The following DPYD variants were observed in gnomAD, a reference collection of about 807,000 sequenced individuals.
DPYD encodes dihydropyrimidine dehydrogenase.
DPYD carries 109 observed loss-of-function variants against 116.2 expected under a neutral mutation model. The observed-to-expected ratio is 0.94, with a 90% CI of 0.80 to 1.10. DPYD has a LOEUF of 1.10. DPYD is among the 50% of genes least tolerant of loss of function. The pLI is 0.00. For synonymous variants in DPYD, 440 were observed against 432.0 expected (o/e 1.02, Z -0.23); for missense variants, 1,302 against 1,254.5 (o/e 1.04, Z -0.57).
At chr1:97,365,824 G>A (rs1671002821) in intron 16 of DPYD, among the ~76,000 whole-genome samples, 1 of 152,106 alleles carries the variant, frequency 6.6e-6, no homozygotes. Context: ...AGCAGACACG[G>A]GGTTTCGCCA....
At chr1:97,275,848 T>C (rs1664898824) in intron 18 of DPYD, among the ~76,000 whole-genome samples, 1 of 152,180 alleles carries the variant, frequency 6.6e-6, no homozygotes, top group South Asian at 2.1e-4. Flanking sequence ...GACATGTGCA[T>C]AGCTATCTCA....
intron 12 of DPYD, among the ~76,000 whole-genome samples, chr1:97,519,050 GCTT>G (rs1226405167): frequency 2.6e-5 from 4 of 151,846 alleles, no homozygotes; most frequent in Non-Finnish European, 5.9e-5. Context: ...TTAAATTTTT[GCTT>G]ATTATAATTT....
intron 20 of DPYD, among the ~76,000 whole-genome samples, chr1:97,174,248 T>A (rs1441685198): frequency 6.6e-6 from 1 of 152,152 alleles, no homozygotes; most frequent in Non-Finnish European, 1.5e-5. Flanking sequence ...CAGCTTTTGT[T>A]AACGGAGGCT....
At chr1:97,794,186 C>A (rs1029396926) in intron 3 of DPYD, among the ~76,000 whole-genome samples, 2 of 152,170 alleles carry the variant, frequency 1.3e-5, no homozygotes, top group Non-Finnish European at 2.9e-5. Flanking sequence ...AATCCATCAA[C>A]CTCAGCCTTC....
At chr1:97,140,089 T>C (rs1262234514) in intron 20 of DPYD, among the ~76,000 whole-genome samples, 2 of 151,990 alleles carry the variant, frequency 1.3e-5, no homozygotes, top group Non-Finnish European at 2.9e-5. Context: ...TATGGGACAC[T>C]TGCTGACTGT....
intron 15 of DPYD, among the ~76,000 whole-genome samples, chr1:97,376,395 AATT>A (rs1174958462): frequency 1.3e-5 from 2 of 152,156 alleles, no homozygotes; most frequent in Non-Finnish European, 2.9e-5. Flanking sequence ...TTCACTGACT[AATT>A]ATTATAATTT....
intron 4 of DPYD, among the ~76,000 whole-genome samples, chr1:97,723,490 T>C (rs1175735108): frequency 6.6e-6 from 1 of 151,334 alleles, no homozygotes; most frequent in African/African-American, 2.4e-5. Flanking sequence ...CAAAAGTTCT[T>C]TTCAATATAA....
chr1:97,693,806 C>A (rs77877540), intron 6 of DPYD, among the ~76,000 whole-genome samples: 1,860 of 152,162 alleles, frequency 0.012, 34 homozygotes, highest in African/African-American at 0.042. Flanking sequence ...ATGAGTCAGG[C>A]CTACTCTTGG....
chr1:97,135,455 C>T (rs1282250693), intron 20 of DPYD, among the ~76,000 whole-genome samples: 2 of 152,114 alleles, frequency 1.3e-5, no homozygotes, highest in Admixed American at 1.3e-4. Flanking sequence ...ACATGATGTC[C>T]TGTTTTAATA....
At chr1:97,208,429 C>T (rs889349564) in intron 19 of DPYD, among the ~76,000 whole-genome samples, 1 of 151,554 alleles carries the variant, frequency 6.6e-6, no homozygotes, top group Non-Finnish European at 1.5e-5. Flanking sequence ...GGACTACAGG[C>T]GCATGCCACC....
At chr1:97,546,081 G>C (rs758998060) in intron 12 of DPYD, 3 of 1,408,344 alleles carry the variant, frequency 2.1e-6, no homozygotes, top group African/African-American at 1.4e-5. Context: ...AGGATCCTTA[G>C]TTACAGTGCT....
intron 8 of DPYD, among the ~76,000 whole-genome samples, chr1:97,627,768 G>C (rs1657016186): frequency 1.3e-5 from 2 of 151,830 alleles, no homozygotes; most frequent in African/African-American, 4.8e-5. Context: ...ACCTAGAGGA[G>C]TTGAACATCA....
At chr1:97,329,702 G>A (rs987332880) in intron 16 of DPYD, among the ~76,000 whole-genome samples, 6 of 149,080 alleles carry the variant, frequency 4.0e-5, no homozygotes, top group Admixed American at 3.4e-4. Flanking sequence ...ACAGTGAGCC[G>A]AGACTGTGCC....
rs185516218 is a variant in DPYD at position 97,106,625 on chromosome 1, C to G, written c.2623-7993G>C. 3.2e-3 allele frequency among the ~76,000 whole-genome samples: 487 copies of G among 152,202 alleles called. 4 individuals carry two copies. The highest frequency in any genetic ancestry group is 0.011 in the African/African-American group (467 of 41,550). On this transcript the variant is annotated intron_variant, in intron 20 of 22. Transcript: ENST00000370192. The stretch of plus-strand genomic sequence containing the variant: ...ATCTCCTCCACCATCTGCTGCCCCC[C>G]TCATCTCCCAGTCCTGAGGCCTGCA...
At chr1:97,471,437 G>T (rs1485857676) in intron 13 of DPYD, among the ~76,000 whole-genome samples, 1 of 152,096 alleles carries the variant, frequency 6.6e-6, no homozygotes, top group African/African-American at 2.4e-5. Context: ...GTAACTTGGG[G>T]TCTAAAACTG....
At chr1:97,672,827 CCA>C (rs1659941494) in intron 8 of DPYD, among the ~76,000 whole-genome samples, 1 of 152,142 alleles carries the variant, frequency 6.6e-6, no homozygotes, top group South Asian at 2.1e-4. Context: ...AAATTTAATA[CCA>C]CAATCTCTCG....
chr1:97,863,056 T>C (rs1018468435), intron 2 of DPYD, among the ~76,000 whole-genome samples: 3 of 151,968 alleles, frequency 2.0e-5, no homozygotes, highest in African/African-American at 7.2e-5. Context: ...TGATATATTT[T>C]ACTCAAGAAG....
intron 3 of DPYD, among the ~76,000 whole-genome samples, chr1:97,781,312 T>C (rs1297043955): frequency 4.6e-5 from 7 of 152,242 alleles, no homozygotes; most frequent in African/African-American, 1.7e-4. Flanking sequence ...AGACCACCAT[T>C]TGTTTGATAA....
chr1:97,916,815 C>G (rs2101719153), intron 1 of DPYD, among the ~76,000 whole-genome samples: 2 of 152,202 alleles, frequency 1.3e-5, no homozygotes, highest in African/African-American at 4.8e-5. Flanking sequence ...CAAGGCCAGC[C>G]CGGGCAATAT....
Sources: gnomAD v4.1 joint callset for allele counts (sites outside exome capture counted in the v4.1 genomes callset) on GRCh38, gnomAD v4.1.1 for gene constraint, MANE v1.5 for transcripts, NCBI Gene and HGNC (gene_info 2026-07-23, HGNC 2026-07-21) for gene names.